PKD1: variants seen among roughly 807,000 people sequenced by gnomAD.
PKD1 encodes polycystin-1.
A neutral mutation model predicts 361.7 loss-of-function variants in PKD1; 81 were observed. That is an observed-to-expected ratio of 0.22 (90% CI 0.19 to 0.27). PKD1 has a LOEUF of 0.27. Ranked by LOEUF, PKD1 falls within the 10% of genes least tolerant of loss-of-function variation. The pLI is 1.00. For missense variants in PKD1, 6,399 were observed against 6,118.3 expected (o/e 1.05, Z -1.53); for synonymous variants, 3,615 against 2,818.3 (o/e 1.28, Z -8.95).
At chr16:2,105,802 T>C (rs2092317146) in intron 20 of PKD1, 63 bp downstream of exon 20, 2 of 1,515,738 alleles carry the variant, frequency 1.3e-6, no homozygotes. Context: ...CAGGCAGGGG[T>C]ACAGGTCTTG....
chr16:2,099,518 C>G (rs1439024759), intron 30 of PKD1, 126 bp downstream of exon 30: 3 of 774,428 alleles, frequency 3.9e-6, no homozygotes, highest in African/African-American at 1.7e-5. Context: ...TGTGTTGACC[C>G]TTCCCGAGCA....
intron 8 of PKD1, 147 bp downstream of exon 8, chr16:2,116,382 G>A (rs2092636351): frequency 2.1e-5 from 13 of 632,726 alleles, no homozygotes; most frequent in Middle Eastern, 4.2e-4. Flanking sequence ...TTTCCTCTCT[G>A]CACTCTGGAT....
At position 2,090,387 on chromosome 16, in the gene PKD1, A is replaced by C. The variant is rs770362013; in HGVS notation, c.12342T>G (p.Arg4114=). ...VILRWRYHAL[R]GELYRPAWEP... Reference sequence around the variant, plus strand: ...CCCAGGCCGGCCGGTACAGCTCTCCACGCAAGGCGTGGTAGCGCCAGCGGA... The same window carrying C: ...CCCAGGCCGGCCGGTACAGCTCTCCCCGCAAGGCGTGGTAGCGCCAGCGGA... Residue 4114 remains arginine, a synonymous_variant, in exon 45 of 46, where the codon CGT becomes CGG. Transcript: ENST00000262304. 1 of 1,612,420 alleles carries C rather than the reference A, an allele frequency of 6.2e-7. No homozygotes were observed. Among genetic ancestry groups the C allele is most frequent in the Non-Finnish European group, 8.5e-7 (1 of 1,179,832 alleles).
chr16:2,120,057 C>A, intron 1 of PKD1: 1 of 588,166 alleles, frequency 1.7e-6, no homozygotes, highest in Non-Finnish European at 3.0e-6. Flanking sequence ...ACAAAAAATA[C>A]ACATTAGCCA....
Position 2,094,098 on chromosome 16 carries a change from T to A in PKD1, c.10612A>T (p.Arg3538Trp). ...WEQPQAARLS[R>W]TGLVEGLRKR... ...CGGGGCTACGCAAGCACACCTGTCC[T>A]GGACAGCCTCGCTGCCTGGGGCTGT... Residue 3538 changes from arginine to tryptophan, a missense_variant, in exon 35 of 46, where the codon AGG (arginine) becomes TGG (tryptophan). Physicochemically the swap from Arg to Trp is moderately radical, Grantham distance 101. Transcript: ENST00000262304. The A allele has an allele frequency of 6.3e-7, 1 of 1,591,868 alleles. No homozygotes were observed. Among genetic ancestry groups the A allele is most frequent in the Non-Finnish European group, 8.6e-7 (1 of 1,168,270 alleles).
At chr16:2,135,134 C>T (rs1596635781) in intron 1 of PKD1, 1 of 977,192 alleles carries the variant, frequency 1.0e-6, no homozygotes, top group South Asian at 4.7e-5. Context: ...CCATCCCCAC[C>T]TCTCCGGGTA....
Position 2,110,244 on chromosome 16 carries a change from G to C in PKD1, c.4923C>G (p.Gly1641=). ...CCGTGTGGTTGGTGGGGAAGTAGCG[G>C]CCACCGCCCACCACCTGCAGCCCCT... ...LIEGLQVVGG[G]RYFPTNHTVQ... Residue 1641 remains glycine (G), a synonymous_variant, in exon 15 of 46, where the codon GGC becomes GGG. Transcript: ENST00000262304. 2 of 1,612,046 alleles carry C rather than the reference G, an allele frequency of 1.2e-6. No homozygotes were observed. Among genetic ancestry groups the C allele is most frequent in the Non-Finnish European group, 1.7e-6 (2 of 1,179,646 alleles).
In PKD1 at chr16:2,097,236, C is replaced by T. The variant is rs1408934300; in HGVS notation, c.10411G>A (p.Asp3471Asn). The change falls in exon 34 of 46, where the codon GAC becomes AAC. Residue 3471 changes from aspartate to asparagine, a missense_variant. By Grantham distance (23) the Asp-to-Asn change is conservative. Transcript: ENST00000262304. ...PAKSFSASDEDLIQQVLAEGV... is the reference protein window; with the variant it reads ...PAKSFSASDENLIQQVLAEGV... Reference sequence around the variant, plus strand: ...TCGGCAAGGACCTGCTGGATCAGGTCTTCATCTAGAGGTACAGGAGGCATA... The same window carrying T: ...TCGGCAAGGACCTGCTGGATCAGGTTTTCATCTAGAGGTACAGGAGGCATA... The T allele has an allele frequency of 6.3e-7, 1 of 1,586,778 alleles. No homozygotes were observed. The highest frequency in any genetic ancestry group is 1.1e-5 in the South Asian group (1 of 87,596).
rs1057516041 is a variant in PKD1 at position 2,094,127 on chromosome 16, C to A, written c.10583G>T (p.Trp3528Leu). 1.9e-6 allele frequency: 3 copies of A among 1,595,142 alleles called. No homozygotes were observed. Among genetic ancestry groups the A allele is most frequent in the East Asian group, 2.3e-5 (1 of 44,118 alleles). ...ELGPPSPGLN[W>L]EQPQAARLSR... ...CAGCCTCGCTGCCTGGGGCTGTTCCCAGTTCAGGCCTGGGCTGGGTGGCCC... is the reference window on the plus strand; with the variant it reads ...CAGCCTCGCTGCCTGGGGCTGTTCCAAGTTCAGGCCTGGGCTGGGTGGCCC... The change falls in exon 35 of 46, where the codon TGG becomes TTG. Residue 3528 changes from tryptophan to leucine, a missense_variant. Coordinates refer to ENST00000262304, the MANE Select transcript of PKD1 (RefSeq NM_001009944.3).
Position 2,106,927 on chromosome 16 carries a change from C to A in PKD1, c.7087G>T (p.Val2363Leu). The change falls in exon 17 of 46, where the codon GTG becomes TTG. Residue 2363 changes from valine to leucine, a missense_variant. Transcript: ENST00000262304. The surrounding 1 kb of genome is among the most constrained non-coding windows in gnomAD (Gnocchi z 6.5). ...ACACACTCCAAGGACACAATGGGCA[C>A]CCGGCCACTCCGGATCAGCACCTGG... The part of the protein sequence containing the change: ...NQTVLIRSGR[V>L]PIVSLECVSC... 6.3e-7 allele frequency: 1 copy of A among 1,580,350 alleles called. No individual in the cohort carries two copies. The highest frequency in any genetic ancestry group is 8.6e-7 in the Non-Finnish European group (1 of 1,167,274).
At chr16:2,111,987 C>T (rs2092522060) in intron 14 of PKD1, 116 bp from the exon 15 acceptor site, 7 of 1,127,850 alleles carry the variant, frequency 6.2e-6, no homozygotes, top group Non-Finnish European at 9.1e-6. Context: ...GCGGCCCAGC[C>T]TTAAGGGTCC....
rs770774357 is a variant in PKD1 at position 2,115,446 on chromosome 16, C to T, written c.2029G>A (p.Gly677Arg). 15 of 1,597,702 alleles carry T rather than the reference C, an allele frequency of 9.4e-6. No individual in the cohort carries two copies. Among genetic ancestry groups the T allele is most frequent in the East Asian group, 2.3e-5 (1 of 44,018 alleles). The change falls in exon 10 of 46, where the codon GGG becomes AGG. Residue 677 changes from glycine (G) to arginine (R), a missense_variant. Physicochemically the swap from Gly to Arg is moderately radical, Grantham distance 125 (BLOSUM62 -2). Coordinates refer to ENST00000262304, the MANE Select transcript of PKD1 (RefSeq NM_001009944.3). ...NGCTSGPGLP[G>R]APYALWREFL... ...TCTCTCCATAGCGCATAGGGGGCCC[C>T]GGGTAGCCCTGGCCCTGACGTGCAG...
chr16:2,094,308 G>C (rs2091748725), intron 34 of PKD1, 98 bp from the exon 35 acceptor site: 1 of 759,366 alleles, frequency 1.3e-6, no homozygotes, highest in African/African-American at 1.7e-5. Context: ...TGAGCCTCTT[G>C]GGTCACAGGG....
chr16:2,108,984 G>C lies in PKD1; in HGVS notation c.6183C>G (p.Val2061=). The C allele has an allele frequency of 6.2e-7, 1 of 1,610,268 alleles. No homozygotes were observed. The highest frequency in any genetic ancestry group is 8.5e-7 in the Non-Finnish European group (1 of 1,179,340). ...RTLVLEVQDA[V]QYVALQSGPC... ...GGCCGCTCTGCAGGGCCACATACTGGACGGCGTCCTGAACCTCCAGCACCA... is the reference window on the plus strand; with the variant it reads ...GGCCGCTCTGCAGGGCCACATACTGCACGGCGTCCTGAACCTCCAGCACCA... Residue 2061 remains valine, a synonymous_variant, in exon 15 of 46, where the codon GTC becomes GTG. Coordinates refer to ENST00000262304, the MANE Select transcript of PKD1 (RefSeq NM_001009944.3).
chr16:2,100,846 C>T lies in PKD1; in HGVS notation c.9398-280G>A, dbSNP rs866357011. On this transcript the variant is annotated intron_variant, in intron 26 of 45. Coordinates refer to ENST00000262304, the MANE Select transcript of PKD1 (RefSeq NM_001009944.3). This position sits in a 1 kb window ranked among gnomAD's most constrained non-coding sequence, Gnocchi z 4.4. ...TCAGTCCACACCACAACCAGTGACC[C>T]GCACTGCACACCTGTCCACGCCTCA... 19 of 514,994 alleles carry T rather than the reference C, an allele frequency of 3.7e-5. No individual in the cohort carries two copies. The highest frequency in any genetic ancestry group is 1.1e-3 in the Middle Eastern group (2 of 1,858). The allele number at this position is 514,994 out of a possible 1,614,324, so 31.9% of individuals were successfully genotyped here. A position where few individuals can be genotyped will look rare whatever the true frequency, so the allele number is the denominator to read the frequency against.
intron 1 of PKD1, among the ~76,000 whole-genome samples, chr16:2,127,277 C>A (rs114813988): frequency 2.0e-5 from 3 of 152,186 alleles, no homozygotes; most frequent in African/African-American, 7.2e-5. Context: ...ACGGTACTCG[C>A]GGCTCTGCCA....
chr16:2,117,087 G>A (rs1042232144), intron 6 of PKD1, 34 bp from the exon 7 acceptor site: 9 of 1,059,098 alleles, frequency 8.5e-6, no homozygotes, highest in Admixed American at 1.9e-5. Flanking sequence ...GGGGGCTCAG[G>A]GCACTCCTCC....
chr16:2,111,498 C>T lies in PKD1; in HGVS notation c.3669G>A (p.Val1223=). 6.2e-7 allele frequency: 1 copy of T among 1,610,962 alleles called. No individual in the cohort carries two copies. Among genetic ancestry groups the T allele is most frequent in the Non-Finnish European group, 8.5e-7 (1 of 1,179,254 alleles). ...RGLSVDMSLA[V]EQGAPVVVSA... is the part of the protein sequence containing the mutation. The stretch of plus-strand genomic sequence containing the variant: ...TGACCACCACGGGGGCGCCCTGCTC[C>T]ACGGCCAGGCTCATGTCCACGCTGA... Residue 1223 remains valine (V), a synonymous_variant, in exon 15 of 46, where the codon GTG becomes GTA. Transcript: ENST00000262304.
Position 2,088,882 on chromosome 16 carries a change from C to CGCACACAA in PKD1, c.*844_*845insTTGTGTGC. 4.6e-6 allele frequency: 1 copy of CGCACACAA among 215,770 alleles called. No homozygotes were observed. 13.4% of individuals were successfully genotyped at this position (215,770 alleles called of 1,614,324 possible). ...CAGCACACTCGCGCGTGCGCGCGCG[C>CGCACACAA]ACACACACACACACACAGTCACCTT... On this transcript the variant is annotated 3_prime_UTR_variant, in exon 46 of 46. Coordinates refer to ENST00000262304, the MANE Select transcript of PKD1 (RefSeq NM_001009944.3).
Sources: allele counts gnomAD v4.1 joint callset (sites outside exome capture counted in the v4.1 genomes callset), GRCh38; gene constraint gnomAD v4.1.1; non-coding constraint Gnocchi (gnomAD v3.1); transcripts MANE v1.5; gene names NCBI Gene and HGNC (gene_info 2026-07-23, HGNC 2026-07-21).